Variants in LAT2 observed in about 807,000 individuals in gnomAD.
LAT2 encodes the protein linker for activation of T cells family member 2, also known as linker for activation of T-cells family member 2.
Under a neutral mutation model 43.4 loss-of-function variants are expected in LAT2, and 23 were observed. The ratio of observed to expected loss-of-function variants is 0.53; its 90% CI spans 0.38 to 0.75. The LOEUF (loss-of-function observed/expected upper bound fraction) is 0.75, where lower values mean the gene tolerates loss of function less well. Among genes scored for constraint, LAT2 ranks in the 30% least tolerant of loss-of-function variants. LAT2 has a pLI of 0.00. For missense variants in LAT2, 284 were observed against 310.2 expected, an observed-to-expected ratio of 0.92 and a Z score of 0.64; for synonymous variants, 128 against 123.2, an observed-to-expected ratio of 1.04 and a Z score of -0.26.
In LAT2 at chr7:74,224,115, C is replaced by T; in HGVS notation, c.546C>T (p.Ala182=). The part of the protein sequence containing the change: ...TGPTSGLCPS[A]SPEEDEESED... The stretch of plus-strand genomic sequence containing the variant: ...CCACTTCTGGTCTCTGTCCCTCTGC[C>T]TCCCCGGAAGAAGATGAGGAATCTG... The change falls in exon 12 of 14, where the codon GCC becomes GCT. Residue 182 remains alanine, a synonymous_variant. Coordinates refer to ENST00000460943, the MANE Select transcript of LAT2 (RefSeq NM_032464.3). The T allele has an allele frequency of 6.2e-7, 1 of 1,614,186 alleles. No homozygotes were observed. Among genetic ancestry groups the T allele is most frequent in the African/African-American group, 1.3e-5 (1 of 75,050 alleles).
rs1554715049 is a variant in LAT2 at position 74,220,597 on chromosome 7, C to T, written c.279C>T (p.Ser93=). 3 of 1,614,058 alleles carry T rather than the reference C, an allele frequency of 1.9e-6. No homozygotes were observed. The highest frequency in any genetic ancestry group is 2.2e-5 in the South Asian group (2 of 91,088). Residue 93 remains serine, a synonymous_variant, in exon 8 of 14, where the codon TCC becomes TCT. Transcript: ENST00000460943. This position sits in a 1 kb window ranked among gnomAD's most constrained non-coding sequence, Gnocchi z 4.5. ...FYPSLEDPAS[S]RYQNFSKGSR... Reference sequence around the variant, plus strand: ...TCTTTCTTCCAGATCCAGCATCTTCCAGGTACCAGAACTTCAGCAAAGGTA... The same window carrying T: ...TCTTTCTTCCAGATCCAGCATCTTCTAGGTACCAGAACTTCAGCAAAGGTA...
rs191142706 is a variant in LAT2, at chr7:74,213,573, T to C, written c.-218-1249T>C. Among the ~76,000 whole-genome samples the C allele has an allele frequency of 2.9e-3, 441 of 151,948 alleles. 1 individual carries two copies. Among genetic ancestry groups the C allele is most frequent in the Admixed American group, 8.1e-3 (124 of 15,242 alleles). On this transcript the variant is annotated intron_variant, in intron 1 of 13. Coordinates refer to ENST00000460943, the MANE Select transcript of LAT2 (RefSeq NM_032464.3). ...CTGATTAGCTGGGATCACAGGCGTG[T>C]GCCACCACACCCGGCTAATTTTTGT...
Position 74,212,183 on chromosome 7 carries a change from G to A in LAT2, c.-219+2095G>A, listed in dbSNP as rs532181560. Among the ~76,000 whole-genome samples the A allele has an allele frequency of 9.2e-5, 14 of 152,018 alleles. No homozygotes were observed. In the South Asian group the frequency reaches 1.7e-3, roughly 18 times the overall value. ...TGGTCTCGAACTCCTGGCCTCAAGC[G>A]ATCCTCCTGTCTCGGCCTCCCAGTG... On this transcript the variant is annotated intron_variant, in intron 1 of 13. Coordinates refer to ENST00000460943, the MANE Select transcript of LAT2 (RefSeq NM_032464.3).
intron 10 of LAT2, among the ~76,000 whole-genome samples, chr7:74,222,985 G>GGT (rs1474481269): frequency 3.9e-5 from 6 of 152,216 alleles, no homozygotes; most frequent in African/African-American, 1.4e-4. Flanking sequence ...CAGGCGCTGA[G>GGT]GTGCCATACT....
intron 4 of LAT2, among the ~76,000 whole-genome samples, chr7:74,218,457 C>T (rs1338637635): frequency 1.3e-5 from 2 of 152,278 alleles, no homozygotes; most frequent in African/African-American, 4.8e-5. Flanking sequence ...TGGCAGCTTC[C>T]ATTTTCAAGA....
intron 2 of LAT2, among the ~76,000 whole-genome samples, chr7:74,215,455 G>C (rs1483622207): frequency 6.6e-6 from 1 of 152,168 alleles, no homozygotes; most frequent in Non-Finnish European, 1.5e-5. Flanking sequence ...CGTGAGTGGT[G>C]GCCACAGACT....
At position 74,224,666 on chromosome 7, in the gene LAT2, G is replaced by A. The variant is rs892084456; in HGVS notation, c.656G>A (p.Gly219Asp). Residue 219 changes from glycine to aspartate, a missense_variant, in exon 13 of 14, where the codon GGC becomes GAC. Gly to Asp is a moderately conservative substitution (Grantham distance 94). Transcript: ENST00000460943. ...CAACTCCAGAGAGAAGCATCCCCTG[G>A]CCCGGTGGGAAGCCCAGACGAGGAG... ...MGQLQREASP[G>D]PVGSPDEEDG... 1.9e-6 allele frequency: 3 copies of A among 1,606,568 alleles called. No homozygotes were observed. The highest frequency in any genetic ancestry group is 3.4e-5 in the Admixed American group (2 of 58,842).
In LAT2 at chr7:74,224,702, C is replaced by A; in HGVS notation, c.692C>A (p.Pro231Gln). 1 of 1,607,034 alleles carries A rather than the reference C, an allele frequency of 6.2e-7. No homozygotes were observed. Among genetic ancestry groups the A allele is most frequent in the Non-Finnish European group, 8.5e-7 (1 of 1,176,992 alleles). ...VGSPDEEDGE[P>Q]DYVNGEVAAT... ...AGCCCAGACGAGGAGGACGGGGAAC[C>A]GGATTACGTGAATGGGGAGGTGGCA... Residue 231 changes from proline to glutamine, a missense_variant, in exon 13 of 14, where the codon CCG becomes CAG. Coordinates refer to ENST00000460943, the MANE Select transcript of LAT2 (RefSeq NM_032464.3).
chr7:74,215,839 G>T, intron 2 of LAT2, 108 bp from the exon 3 acceptor site: 1 of 764,466 alleles, frequency 1.3e-6, no homozygotes, highest in Non-Finnish European at 2.3e-6. Flanking sequence ...AGGGGAGGTG[G>T]TGTTTCCGCA....
At chr7:74,211,049 G>T (rs1288626836) in intron 1 of LAT2, among the ~76,000 whole-genome samples, 1 of 152,000 alleles carries the variant, frequency 6.6e-6, no homozygotes, top group Non-Finnish European at 1.5e-5. Flanking sequence ...CTTGGCAATC[G>T]TTGTTCATAT....
rs559907283 is a variant in LAT2, at chr7:74,227,134, TG to T, written c.*19-1807del. Among the ~76,000 whole-genome samples, 463 of 151,174 alleles carry T rather than the reference TG, an allele frequency of 3.1e-3. 5 individuals carry two copies. Among genetic ancestry groups the T allele is most frequent in the African/African-American group, 9.3e-3 (384 of 41,170 alleles). ...TTGGCTCACTGCAAACTCCGCCTCC[TG>T]GGTTCAAGCGATGCTCCTGCCTCAG... On this transcript the variant is annotated intron_variant, in intron 13 of 13. Transcript: ENST00000460943.
At chr7:74,221,410 CAAAAA>C (rs782694803) in intron 9 of LAT2, among the ~76,000 whole-genome samples, 73 of 21,072 alleles carry the variant, frequency 3.5e-3, no homozygotes, top group African/African-American at 8.7e-3. Context: ...GACTCTGTCT[CAAAAA>C]AAAAAAAAAA....
Position 74,215,854 on chromosome 7 carries a change from A to G in LAT2, c.-29-93A>G, listed in dbSNP as rs76368404. 15,659 of 862,884 alleles carry G rather than the reference A, an allele frequency of 0.018. 1,430 individuals are homozygous for G. The African/African-American group carries it at 0.21, about 11-fold the overall frequency. The allele number at this position is 862,884 out of a possible 1,614,324, so 53.5% of individuals were successfully genotyped here. A position where few individuals can be genotyped will look rare whatever the true frequency, so the allele number is the denominator to read the frequency against. On this transcript the variant is annotated intron_variant, in intron 2 of 13. Coordinates refer to ENST00000460943, the MANE Select transcript of LAT2 (RefSeq NM_032464.3). Reference sequence around the variant, plus strand: ...AGGGGAGGTGGTGTTTCCGCAGCCTAGGCTCAGGTATGGGGCTGTCCGAGC... The same window carrying G: ...AGGGGAGGTGGTGTTTCCGCAGCCTGGGCTCAGGTATGGGGCTGTCCGAGC...
At chr7:74,226,363 TTGGGAGGC>T (rs1802486804) in intron 13 of LAT2, 1 of 152,354 alleles carries the variant, frequency 6.6e-6, no homozygotes, top group Admixed American at 6.5e-5. Context: ...TCCCACTGAC[TTGGGAGGC>T]TGAGGTGGGA....
intron 2 of LAT2, 86 bp downstream of exon 2, chr7:74,215,096 T>G (rs1331384016): frequency 6.6e-6 from 1 of 152,124 alleles, no homozygotes; most frequent in South Asian, 2.1e-4. Flanking sequence ...GAGAAGCCGG[T>G]CAGGTGCCAG....
chr7:74,217,901 T>C (rs1802100353), intron 4 of LAT2, among the ~76,000 whole-genome samples: 2 of 152,188 alleles, frequency 1.3e-5, no homozygotes, highest in African/African-American at 2.4e-5. Flanking sequence ...ACAGTGAGAT[T>C]TGAAAATAGA....
chr7:74,213,632 T>C lies in LAT2; in HGVS notation c.-218-1190T>C, dbSNP rs183689596. Among the ~76,000 whole-genome samples, 36 of 150,860 alleles carry C rather than the reference T, an allele frequency of 2.4e-4. 1 individual carries two copies. The South Asian group carries it at 3.6e-3, about 15-fold the overall frequency. On this transcript the variant is annotated intron_variant, in intron 1 of 13. Coordinates refer to ENST00000460943, the MANE Select transcript of LAT2 (RefSeq NM_032464.3). ...TAGAGATGGGGTTTCACCATGTTGG[T>C]CAGGCTAGTCTCGAACTCCCGACCT...
chr7:74,223,142 C>A (rs1584225258), intron 10 of LAT2, among the ~76,000 whole-genome samples: 2 of 152,196 alleles, frequency 1.3e-5, no homozygotes, highest in Admixed American at 1.3e-4. Context: ...CTCTCTCCAG[C>A]CACCCGGCAT....
intron 10 of LAT2, 30 bp downstream of exon 10, chr7:74,221,722 G>A: frequency 6.2e-7 from 1 of 1,602,990 alleles, no homozygotes. Flanking sequence ...CGGAGGTGGA[G>A]GAAGTGGTGT....
Sources: allele counts gnomAD v4.1 joint callset (sites outside exome capture counted in the v4.1 genomes callset), GRCh38; gene constraint gnomAD v4.1.1; non-coding constraint Gnocchi (gnomAD v3.1); transcripts MANE v1.5; gene names NCBI Gene and HGNC (gene_info 2026-07-23, HGNC 2026-07-21).